Variants in RIMS2 observed in about 807,000 individuals in gnomAD.
The protein encoded by RIMS2 is regulating synaptic membrane exocytosis 2, also known as regulating synaptic membrane exocytosis protein 2.
A neutral mutation model predicts 174.4 loss-of-function variants in RIMS2; 59 were observed. That is an observed-to-expected ratio of 0.34 (90% CI 0.27 to 0.42). The LOEUF is 0.42. Among genes scored for constraint, RIMS2 ranks in the 10% least tolerant of loss-of-function variants. The pLI is 1.00. For missense variants in RIMS2, 1,620 were observed against 1,666.3 expected, an observed-to-expected ratio of 0.97 and a Z score of 0.48; for synonymous variants, 606 against 572.5, an observed-to-expected ratio of 1.06 and a Z score of -0.84.
chr8:103,652,009 C>A (rs2096460445), intron 1 of RIMS2, among the ~76,000 whole-genome samples, 196 bp from the exon 2 acceptor site: 1 of 152,144 alleles, frequency 6.6e-6, no homozygotes, highest in Admixed American at 6.5e-5. Context: ...TATTAGTTTT[C>A]TGTTAAGGAC....
chr8:104,187,536 G>T (rs1586844716), intron 19 of RIMS2, among the ~76,000 whole-genome samples: 1 of 151,716 alleles, frequency 6.6e-6, no homozygotes, highest in Non-Finnish European at 1.5e-5. Flanking sequence ...GCATAGAAAT[G>T]TGACTCTATT....
intron 15 of RIMS2, among the ~76,000 whole-genome samples, chr8:103,961,717 ATAAAG>A (rs1160731829): frequency 7.2e-5 from 11 of 152,264 alleles, no homozygotes; most frequent in African/African-American, 2.4e-4. Context: ...ATATTGTAAA[ATAAAG>A]TATTCTATTC....
chr8:103,723,162 G>T (rs1004789570), intron 2 of RIMS2, among the ~76,000 whole-genome samples: 1 of 152,062 alleles, frequency 6.6e-6, no homozygotes, highest in Non-Finnish European at 1.5e-5. Context: ...TTCATTAAAA[G>T]GTAAACCTTA....
At chr8:103,799,880 GCT>G (rs2098594190) in intron 3 of RIMS2, among the ~76,000 whole-genome samples, 1 of 151,960 alleles carries the variant, frequency 6.6e-6, no homozygotes, top group South Asian at 2.1e-4. Flanking sequence ...TATAGTTTGT[GCT>G]CTTTTAGTCA....
intron 3 of RIMS2, among the ~76,000 whole-genome samples, chr8:103,847,436 A>G (rs1035751376): frequency 6.6e-6 from 1 of 152,116 alleles, no homozygotes; most frequent in African/African-American, 2.4e-5. Context: ...ATGGCACAGT[A>G]TGTGTTGGGA....
chr8:103,858,758 CAT>C (rs969252086), intron 3 of RIMS2, among the ~76,000 whole-genome samples: 45 of 136,428 alleles, frequency 3.3e-4, no homozygotes, highest in Middle Eastern at 7.4e-3. Flanking sequence ...CACACACACA[CAT>C]ATATGGGATT....
intron 1 of RIMS2, among the ~76,000 whole-genome samples, chr8:103,609,046 A>G (rs866047252): frequency 1.2e-4 from 19 of 152,158 alleles, no homozygotes; most frequent in Middle Eastern, 3.4e-3. Context: ...AATAATATCT[A>G]TCTGACTGGT....
chr8:103,504,838 C>CT (rs1200164397), intron 1 of RIMS2, among the ~76,000 whole-genome samples: 3 of 115,248 alleles, frequency 2.6e-5, no homozygotes, highest in African/African-American at 6.5e-5. Flanking sequence ...CTTTTCTTTT[C>CT]TTTCTTTCTT....
chr8:104,041,259 T>G (rs2096603300), intron 19 of RIMS2, 67 bp from the exon 22 acceptor site: 1 of 581,816 alleles, frequency 1.7e-6, no homozygotes, highest in Non-Finnish European at 3.2e-6. Flanking sequence ...ACTTTTTACC[T>G]TTTGAGTACA....
At chr8:103,724,812 C>T (rs888544995) in intron 2 of RIMS2, among the ~76,000 whole-genome samples, 2 of 152,080 alleles carry the variant, frequency 1.3e-5, no homozygotes, top group African/African-American at 4.8e-5. Flanking sequence ...TATTTCTGGT[C>T]TCCTTAATCT....
At chr8:103,669,586 T>A (rs1309872545) in intron 1 of RIMS2, among the ~76,000 whole-genome samples, 1 of 152,134 alleles carries the variant, frequency 6.6e-6, no homozygotes. Flanking sequence ...AGGCATTGGA[T>A]AAATACAGCC....
chr8:104,224,220 A>G (rs1270576652), intron 19 of RIMS2, among the ~76,000 whole-genome samples: 2 of 152,212 alleles, frequency 1.3e-5, no homozygotes, highest in African/African-American at 4.8e-5. Context: ...ATGTCAGCCT[A>G]TGAAAACCCA....
At chr8:103,604,525 A>G (rs7832620) in intron 1 of RIMS2, among the ~76,000 whole-genome samples, 4,670 of 151,852 alleles carry the variant, frequency 0.031, 209 homozygotes, top group African/African-American at 0.1. Context: ...GTTTTTTCCA[A>G]TTCTGTGAAG....
intron 2 of RIMS2, among the ~76,000 whole-genome samples, chr8:103,714,517 G>A (rs2097345530): frequency 6.6e-6 from 1 of 152,116 alleles, no homozygotes; most frequent in Non-Finnish European, 1.5e-5. Flanking sequence ...ATAGAGCACT[G>A]ATACAGAGGG....
At chr8:104,087,801 T>C (rs1260857838) in intron 19 of RIMS2, among the ~76,000 whole-genome samples, 1 of 152,138 alleles carries the variant, frequency 6.6e-6, no homozygotes, top group African/African-American at 2.4e-5. Flanking sequence ...GAAAATTCAG[T>C]GCCTCAGTCT....
chr8:103,847,778 A>T (rs1406586678), intron 3 of RIMS2, among the ~76,000 whole-genome samples: 1 of 152,014 alleles, frequency 6.6e-6, no homozygotes, highest in Non-Finnish European at 1.5e-5. Context: ...CAGATGAGGC[A>T]TTCAGCAGAA....
intron 2 of RIMS2, among the ~76,000 whole-genome samples, chr8:103,721,755 C>T (rs1050934850): frequency 1.3e-5 from 2 of 152,158 alleles, no homozygotes; most frequent in African/African-American, 4.8e-5. Context: ...TCTTATCCTG[C>T]ATGGGATTCC....
intron 3 of RIMS2, among the ~76,000 whole-genome samples, chr8:103,779,089 G>T (rs2154432117): frequency 6.6e-6 from 1 of 152,180 alleles, no homozygotes; most frequent in African/African-American, 2.4e-5. Context: ...CTTTTAAATT[G>T]GATTAGTTGG....
chr8:103,717,324 C>A (rs2097383511), intron 2 of RIMS2, among the ~76,000 whole-genome samples: 1 of 148,132 alleles, frequency 6.8e-6, no homozygotes, highest in Admixed American at 6.7e-5. Flanking sequence ...AAAAAAAAAA[C>A]CTGTAGGAAT....
Sources: gnomAD v4.1 joint callset for allele counts (sites outside exome capture counted in the v4.1 genomes callset) on GRCh38, gnomAD v4.1.1 for gene constraint, MANE v1.5 for transcripts, NCBI Gene and HGNC (gene_info 2026-07-23, HGNC 2026-07-21) for gene names.